Variants in TTC27 observed in about 807,000 individuals in gnomAD.
The protein encoded by TTC27 is tetratricopeptide repeat domain 27.
Under a neutral mutation model 115.9 loss-of-function variants are expected in TTC27, and 79 were observed. The observed-to-expected ratio is 0.68, with a 90% CI of 0.57 to 0.82. The LOEUF is 0.82. Ranked by LOEUF, TTC27 falls within the 40% of genes least tolerant of loss-of-function variation. TTC27 has a pLI of 0.00. For missense variants in TTC27, 1,054 were observed against 993.1 expected (o/e 1.06, Z -0.82); for synonymous variants, 401 against 356.0 (o/e 1.13, Z -1.42).
At chr2:32,630,495 A>T in intron 1 of TTC27, 28 bp from the exon 2 acceptor site, 2 of 1,548,718 alleles carry the variant, frequency 1.3e-6, no homozygotes, top group Non-Finnish European at 1.7e-6. Flanking sequence ...TTTTTTTTGG[A>T]TTACCGCACT....
At chr2:32,697,202 A>AAT (rs1379661251) in intron 9 of TTC27, among the ~76,000 whole-genome samples, 31 of 150,290 alleles carry the variant, frequency 2.1e-4, no homozygotes, top group Admixed American at 5.3e-4. Flanking sequence ...AAAAAAAAAA[A>AAT]ACAAACAAAA....
At chr2:32,648,965 T>C (rs1054785764) in intron 4 of TTC27, among the ~76,000 whole-genome samples, 4 of 152,088 alleles carry the variant, frequency 2.6e-5, no homozygotes, top group African/African-American at 9.7e-5. Context: ...TGAGCTGTGA[T>C]CATGCCACTG....
At chr2:32,706,718 C>A (rs1348517969) in intron 10 of TTC27, among the ~76,000 whole-genome samples, 1 of 152,038 alleles carries the variant, frequency 6.6e-6, no homozygotes, top group East Asian at 1.9e-4. Flanking sequence ...GCACGCACCA[C>A]CATGCCCAGC....
chr2:32,736,101 T>C (rs922815022), intron 11 of TTC27, among the ~76,000 whole-genome samples: 2 of 152,184 alleles, frequency 1.3e-5, no homozygotes, highest in Non-Finnish European at 2.9e-5. Flanking sequence ...TTAACACTTA[T>C]AAACCACAAT....
chr2:32,638,530 C>A (rs1041052045), intron 3 of TTC27, among the ~76,000 whole-genome samples: 2 of 152,122 alleles, frequency 1.3e-5, no homozygotes, highest in Admixed American at 6.5e-5. Context: ...AGGCATGTGC[C>A]ACTATGCCCG....
intron 17 of TTC27, 24 bp downstream of exon 17, chr2:32,811,245 T>C: frequency 6.3e-7 from 1 of 1,598,746 alleles, no homozygotes; most frequent in Non-Finnish European, 8.5e-7. Context: ...TCCTCCTGAG[T>C]CCTTGCCTTT....
At position 32,650,169 on chromosome 2, in the gene TTC27, T is replaced by C; in HGVS notation, c.576T>C (p.His192=). 1 of 1,613,932 alleles carries C rather than the reference T, an allele frequency of 6.2e-7. No homozygotes were observed. Among genetic ancestry groups the C allele is most frequent in the African/African-American group, 1.3e-5 (1 of 75,048 alleles). Residue 192 remains histidine, a synonymous_variant, in exon 5 of 20, where the codon CAT becomes CAC. Coordinates refer to ENST00000317907, the MANE Select transcript of TTC27 (RefSeq NM_017735.5). ...GGACTTTGAGATGTGTGAATATTCA[T>C]CAGCATTTGCTTGAGGAACGCTCAC... is the stretch of plus-strand genomic sequence containing the variant. ...PWWTLRCVNI[H]QHLLEERSPL...
At chr2:32,773,291 G>T (rs558497584) in intron 13 of TTC27, among the ~76,000 whole-genome samples, 136 of 152,250 alleles carry the variant, frequency 8.9e-4, no homozygotes, top group African/African-American at 3.1e-3. Flanking sequence ...TCTCTATCAG[G>T]TGATTATCTC....
chr2:32,678,638 A>G (rs1487181110), intron 8 of TTC27, among the ~76,000 whole-genome samples: 2 of 152,050 alleles, frequency 1.3e-5, no homozygotes, highest in African/African-American at 4.8e-5. Flanking sequence ...CTTGTTAGCC[A>G]GGATGGTCTT....
intron 13 of TTC27, among the ~76,000 whole-genome samples, chr2:32,762,975 GT>G (rs774043373): frequency 2.0e-5 from 3 of 152,208 alleles, no homozygotes; most frequent in Non-Finnish European, 2.9e-5. Flanking sequence ...AATTCTCAGT[GT>G]GGGAGGGGCA....
chr2:32,646,979 GT>G (rs796575143), intron 4 of TTC27, among the ~76,000 whole-genome samples: 152 of 136,954 alleles, frequency 1.1e-3, no homozygotes, highest in Middle Eastern at 3.8e-3. Context: ...TTTGTTTTTT[GT>G]TTTTTTTTTT....
At chr2:32,670,510 A>G (rs1006961343) in intron 7 of TTC27, among the ~76,000 whole-genome samples, 7 of 152,296 alleles carry the variant, frequency 4.6e-5, no homozygotes, top group Non-Finnish European at 5.9e-5. Flanking sequence ...TGAAATACCA[A>G]TATGAACTGT....
chr2:32,645,807 C>T (rs779906006), intron 4 of TTC27, among the ~76,000 whole-genome samples: 1 of 151,672 alleles, frequency 6.6e-6, no homozygotes, highest in Non-Finnish European at 1.5e-5. Flanking sequence ...ACCTCCGCCT[C>T]CCGGGTTCAA....
Position 32,640,337 on chromosome 2 carries a change from C to T in TTC27, c.464C>T (p.Thr155Ile), listed in dbSNP as rs1431569764. 2 of 1,613,960 alleles carry T rather than the reference C, an allele frequency of 1.2e-6. No homozygotes were observed. The highest frequency in any genetic ancestry group is 2.2e-5 in the South Asian group (2 of 91,074). The stretch of plus-strand genomic sequence containing the variant: ...GATGGTGAATCAATCTACAGCCTGA[C>T]CTCGAAGCCTATACTACTGTTATTA... ...TLDGESIYSLTSKPILLLLAR... is the reference protein window; with the variant it reads ...TLDGESIYSLISKPILLLLAR... Residue 155 changes from threonine (T) to isoleucine (I), a missense_variant, in exon 4 of 20, where the codon ACC (threonine) becomes ATC (isoleucine). Coordinates refer to ENST00000317907, the MANE Select transcript of TTC27 (RefSeq NM_017735.5).
intron 7 of TTC27, among the ~76,000 whole-genome samples, chr2:32,671,735 A>G (rs1666022613): frequency 6.6e-6 from 1 of 152,208 alleles, no homozygotes; most frequent in Non-Finnish European, 1.5e-5. Flanking sequence ...ATCATTGATA[A>G]CAAGCTATTT....
chr2:32,802,807 G>A (rs540617238), intron 16 of TTC27, among the ~76,000 whole-genome samples: 44 of 152,222 alleles, frequency 2.9e-4, no homozygotes, highest in Middle Eastern at 3.4e-3. Context: ...TGCTACCCAA[G>A]GGGGCTCATC....
At chr2:32,808,541 C>G (rs903181344) in intron 16 of TTC27, among the ~76,000 whole-genome samples, 3 of 152,178 alleles carry the variant, frequency 2.0e-5, no homozygotes, top group African/African-American at 4.8e-5. Flanking sequence ...CTGTCTACCC[C>G]CCACAACAGA....
In TTC27 at chr2:32,690,683, G is replaced by C. The variant is rs190115433; in HGVS notation, c.1119+11761G>C. The stretch of plus-strand genomic sequence containing the variant: ...GTTGAGGGTAATAGTGAGACTTAGG[G>C]AAAAGTAGATTTGAAAAAGTTTTTA... On this transcript the variant is annotated intron_variant, in intron 9 of 19. Coordinates refer to ENST00000317907, the MANE Select transcript of TTC27 (RefSeq NM_017735.5). 2.1e-3 allele frequency among the ~76,000 whole-genome samples: 316 copies of C among 152,258 alleles called. 1 individual carries two copies. Among genetic ancestry groups the C allele is most frequent in the African/African-American group, 7.3e-3 (303 of 41,546 alleles).
At chr2:32,688,133 G>A (rs1666696537) in intron 9 of TTC27, among the ~76,000 whole-genome samples, 1 of 152,100 alleles carries the variant, frequency 6.6e-6, no homozygotes, top group Admixed American at 6.5e-5. Context: ...ATAGTACTTA[G>A]CTTTTTCTGT....
Sources: gnomAD v4.1 joint callset for allele counts (sites outside exome capture counted in the v4.1 genomes callset) on GRCh38, gnomAD v4.1.1 for gene constraint, MANE v1.5 for transcripts, NCBI Gene and HGNC (gene_info 2026-07-23, HGNC 2026-07-21) for gene names.